RBFOX1: variants seen among roughly 807,000 people sequenced by gnomAD.
RBFOX1 encodes the protein RNA binding protein fox-1 homolog 1.
RBFOX1 carries 8 observed loss-of-function variants against 57.7 expected under a neutral mutation model. The ratio of observed to expected loss-of-function variants is 0.14; its 90% CI spans 0.08 to 0.25. The LOEUF (loss-of-function observed/expected upper bound fraction) is 0.25, where lower values mean the gene tolerates loss of function less well. RBFOX1 is among the 10% of genes least tolerant of loss of function. The pLI is 1.00. For synonymous variants in RBFOX1, 326 were observed against 222.4 expected (o/e 1.47, Z -4.15); for missense variants, 611 against 548.5 (o/e 1.11, Z -1.14).
intron 1 of RBFOX1, among the ~76,000 whole-genome samples, chr16:6,220,700 T>C (rs528932129): frequency 5.7e-5 from 8 of 140,920 alleles, no homozygotes; most frequent in Non-Finnish European, 1.1e-4. Context: ...CATTAAAAAG[T>C]AAGATAATGC....
intron 2 of RBFOX1, among the ~76,000 whole-genome samples, chr16:6,523,587 T>C (rs2096538447): frequency 6.6e-6 from 1 of 152,226 alleles, no homozygotes; most frequent in South Asian, 2.1e-4. Context: ...GTCTGTATTA[T>C]GAGTGCATCT....
chr16:7,417,394 A>T (rs2098490715), intron 4 of RBFOX1, among the ~76,000 whole-genome samples: 1 of 149,432 alleles, frequency 6.7e-6, no homozygotes. Context: ...AAAAAAAGAG[A>T]TGACCCCATA....
chr16:7,076,143 G>A (rs542096492), intron 4 of RBFOX1, among the ~76,000 whole-genome samples: 3 of 151,182 alleles, frequency 2.0e-5, no homozygotes, highest in African/African-American at 7.3e-5. Flanking sequence ...CCGGGTTCAA[G>A]TGATTCCCCT....
chr16:5,570,886 A>G (rs1044272986), intron 2 of RBFOX1, among the ~76,000 whole-genome samples: 5 of 151,862 alleles, frequency 3.3e-5, no homozygotes, highest in African/African-American at 1.2e-4. Context: ...TTATTAAGTT[A>G]CTTGGAGATC....
chr16:6,278,320 G>T (rs892904657), intron 1 of RBFOX1, among the ~76,000 whole-genome samples: 6 of 124,372 alleles, frequency 4.8e-5, no homozygotes, highest in South Asian at 2.7e-4. Flanking sequence ...GCCCTGCAAG[G>T]TTCCTTCAAG....
At chr16:6,352,099 G>A (rs1003101100) in intron 2 of RBFOX1, among the ~76,000 whole-genome samples, 3 of 152,164 alleles carry the variant, frequency 2.0e-5, no homozygotes, top group African/African-American at 7.2e-5. Flanking sequence ...AGGTACAATT[G>A]AGAGTTTGTA....
chr16:5,851,253 T>C (rs2056890650), intron 3 of RBFOX1, among the ~76,000 whole-genome samples: 1 of 152,208 alleles, frequency 6.6e-6, no homozygotes, highest in Non-Finnish European at 1.5e-5. Context: ...TGCATTCAGC[T>C]TGGTGTTACT....
chr16:6,698,458 A>G (rs1033614895), intron 3 of RBFOX1, among the ~76,000 whole-genome samples: 7 of 152,198 alleles, frequency 4.6e-5, no homozygotes, highest in Admixed American at 6.5e-5. Context: ...CCATAACGCA[A>G]ATCAATCCTG....
At chr16:6,560,051 C>T (rs991180244) in intron 2 of RBFOX1, among the ~76,000 whole-genome samples, 2 of 152,100 alleles carry the variant, frequency 1.3e-5, no homozygotes, top group Admixed American at 6.6e-5. Context: ...AAATCATCCA[C>T]ACTTTCCCAT....
chr16:5,866,922 C>T lies in RBFOX1; in HGVS notation c.319-381C>T, dbSNP rs564031398. Among the ~76,000 whole-genome samples the T allele has an allele frequency of 2.0e-5, 3 of 152,216 alleles. No individual in the cohort carries two copies. The East Asian group carries it at 5.8e-4, about 29-fold the overall frequency. On this transcript the variant is annotated intron_variant, in intron 3 of 19. Transcript: ENST00000641259. ...TGTTTCTCATAACACTGACTTGAAA[C>T]TTTAAGGGAAGGAAAAAAACACATT...
intron 3 of RBFOX1, among the ~76,000 whole-genome samples, chr16:6,861,364 C>G (rs1029008093): frequency 1.3e-5 from 2 of 152,060 alleles, no homozygotes; most frequent in Non-Finnish European, 2.9e-5. Flanking sequence ...ATGCAGTACC[C>G]TCAATCTACA....
chr16:5,418,712 C>T (rs1166923108), intron 1 of RBFOX1, among the ~76,000 whole-genome samples: 4 of 152,152 alleles, frequency 2.6e-5, no homozygotes, highest in African/African-American at 7.2e-5. Flanking sequence ...ACTCCCTCTC[C>T]CAATGTTCCT....
At chr16:6,111,340 T>G (rs1414091009) in intron 1 of RBFOX1, among the ~76,000 whole-genome samples, 1 of 152,094 alleles carries the variant, frequency 6.6e-6, no homozygotes, top group Non-Finnish European at 1.5e-5. Context: ...TTAGAACTAG[T>G]TTTATGGTGA....
chr16:5,710,183 A>T (rs946936321), intron 3 of RBFOX1, among the ~76,000 whole-genome samples: 1 of 152,038 alleles, frequency 6.6e-6, no homozygotes, highest in African/African-American at 2.4e-5. Context: ...GCCAAGGGTT[A>T]TATGACAGTG....
At chr16:7,191,936 A>G (rs1463184754) in intron 4 of RBFOX1, among the ~76,000 whole-genome samples, 6 of 152,236 alleles carry the variant, frequency 3.9e-5, no homozygotes, top group Non-Finnish European at 5.9e-5. Flanking sequence ...TGTGATAATA[A>G]TTTATTAAAT....
intron 3 of RBFOX1, among the ~76,000 whole-genome samples, chr16:5,829,151 G>A (rs1444224073): frequency 6.6e-6 from 1 of 152,172 alleles, no homozygotes; most frequent in African/African-American, 2.4e-5. Context: ...CAGGAGGAAG[G>A]GGTCAATGGG....
At position 7,314,534 on chromosome 16, in the gene RBFOX1, T is replaced by G. The variant is rs150136683; in HGVS notation, c.28-203613T>G. ...TCATTGCCTTTCTGTAAAGAATGAA[T>G]GAAGAACGGGATGCGATCTGTCTTA... is the stretch of plus-strand genomic sequence containing the variant. On this transcript the variant is annotated intron_variant, in intron 4 of 15. Transcript: ENST00000550418. 4.1e-3 allele frequency among the ~76,000 whole-genome samples: 628 copies of G among 152,322 alleles called. 5 individuals are homozygous for G. Among genetic ancestry groups the G allele is most frequent in the Non-Finnish European group, 3.0e-3 (201 of 68,030 alleles).
At chr16:5,879,729 T>A (rs2057715609) in intron 4 of RBFOX1, among the ~76,000 whole-genome samples, 1 of 152,360 alleles carries the variant, frequency 6.6e-6, no homozygotes, top group Non-Finnish European at 1.5e-5. Flanking sequence ...GAGGCTTATT[T>A]CTCTCCCATG....
intron 4 of RBFOX1, among the ~76,000 whole-genome samples, chr16:7,386,676 C>T (rs947449982): frequency 1.3e-5 from 2 of 151,982 alleles, no homozygotes; most frequent in African/African-American, 4.8e-5. Context: ...TGAACAGTGC[C>T]ACAGTAATCA....
Sources: allele counts gnomAD v4.1 joint callset (sites outside exome capture counted in the v4.1 genomes callset), GRCh38; gene constraint gnomAD v4.1.1; transcripts MANE v1.5; gene names NCBI Gene and HGNC (gene_info 2026-07-23, HGNC 2026-07-21).